The following NELL1 variants were observed in gnomAD, a reference collection of about 807,000 sequenced individuals.
NELL1 encodes the protein neural EGFL like 1.
In NELL1, 76 loss-of-function variants were observed where a neutral mutation model predicts 107.4. The ratio of observed to expected loss-of-function variants is 0.71; its 90% confidence interval spans 0.59 to 0.86. The LOEUF (loss-of-function observed/expected upper bound fraction) is 0.86, where lower values mean the gene tolerates loss of function less well. Among genes scored for constraint, NELL1 ranks in the 40% least tolerant of loss-of-function variants. The pLI is 0.00. For missense variants in NELL1, 1,024 were observed against 1,005.5 expected, an observed-to-expected ratio of 1.02 and a Z score of -0.25; for synonymous variants, 353 against 341.2, an observed-to-expected ratio of 1.03 and a Z score of -0.38.
chr11:21,027,073 C>A (rs2134311012), intron 12 of NELL1, among the ~76,000 whole-genome samples: 1 of 152,136 alleles, frequency 6.6e-6, no homozygotes, highest in Middle Eastern at 3.4e-3. Flanking sequence ...CATTTATTTT[C>A]CTCTCACTGA....
At chr11:21,019,495 T>A (rs1852648595) in intron 12 of NELL1, among the ~76,000 whole-genome samples, 1 of 152,082 alleles carries the variant, frequency 6.6e-6, no homozygotes, top group African/African-American at 2.4e-5. Flanking sequence ...AATTAGGGGC[T>A]ATGTGTATCT....
chr11:21,555,900 T>G (rs182279338), intron 16 of NELL1, among the ~76,000 whole-genome samples: 1 of 152,014 alleles, frequency 6.6e-6, no homozygotes, highest in East Asian at 2.0e-4. Flanking sequence ...GGGAACACAA[T>G]ATCCAAGTGT....
intron 10 of NELL1, among the ~76,000 whole-genome samples, chr11:20,942,114 T>C (rs1169953723): frequency 6.6e-6 from 1 of 152,238 alleles, no homozygotes; most frequent in Admixed American, 6.5e-5. Flanking sequence ...TTAGAGACTT[T>C]GCAGAAGCAC....
chr11:21,204,152 G>T (rs770059125), intron 13 of NELL1, among the ~76,000 whole-genome samples: 5 of 152,002 alleles, frequency 3.3e-5, no homozygotes, highest in East Asian at 1.9e-4. Flanking sequence ...TTTGAATGTT[G>T]GTCTGTCTTG....
At chr11:20,982,209 C>A (rs1024470487) in intron 12 of NELL1, among the ~76,000 whole-genome samples, 1 of 152,052 alleles carries the variant, frequency 6.6e-6, no homozygotes, top group Non-Finnish European at 1.5e-5. Context: ...CAGTCCCATG[C>A]CTGGAAAGTG....
chr11:21,200,533 G>A (rs1365484610), intron 13 of NELL1, among the ~76,000 whole-genome samples: 1 of 151,926 alleles, frequency 6.6e-6, no homozygotes, highest in Admixed American at 6.6e-5. Flanking sequence ...CTAGATATTA[G>A]CCCCTCATCA....
intron 15 of NELL1, among the ~76,000 whole-genome samples, chr11:21,502,934 G>GTGC (rs1422052410): frequency 2.5e-4 from 38 of 152,186 alleles, no homozygotes; most frequent in Admixed American, 7.2e-4. Flanking sequence ...CCAGGCTGGA[G>GTGC]TGCAATGGCA....
chr11:20,841,523 G>A (rs187227748), intron 3 of NELL1, among the ~76,000 whole-genome samples: 9 of 152,198 alleles, frequency 5.9e-5, no homozygotes, highest in Non-Finnish European at 1.0e-4. Context: ...ATAATATCAG[G>A]AATAGAATGA....
In NELL1 at chr11:21,534,426, C is replaced by T. The variant is rs781446863; in HGVS notation, c.1698C>T (p.Cys566=). The T allele has an allele frequency of 9.9e-6, 16 of 1,613,710 alleles. No homozygotes were observed. Among genetic ancestry groups the T allele is most frequent in the African/African-American group, 5.3e-5 (4 of 74,898 alleles). The change falls in exon 16 of 20, where the codon TGC becomes TGT. Residue 566 remains cysteine (C), a synonymous_variant. Coordinates refer to ENST00000357134, the MANE Select transcript of NELL1 (RefSeq NM_006157.5). ...GIIECHNHSR[C]VNLPGWYHCE... ...TTGAGTGCCACAACCATTCCCGCTGCGTTAACCTGCCAGGGTGGTACCACT... is the reference window on the plus strand; with the variant it reads ...TTGAGTGCCACAACCATTCCCGCTGTGTTAACCTGCCAGGGTGGTACCACT...
At chr11:20,936,556 C>G in intron 9 of NELL1, among the ~76,000 whole-genome samples, 1 of 152,192 alleles carries the variant, frequency 6.6e-6, no homozygotes, top group Admixed American at 6.5e-5. Flanking sequence ...GATCTTGCCC[C>G]TCAACATCGA....
At chr11:20,740,604 T>C (rs1166045005) in intron 2 of NELL1, among the ~76,000 whole-genome samples, 5 of 152,206 alleles carry the variant, frequency 3.3e-5, no homozygotes, top group Non-Finnish European at 5.9e-5. Context: ...TTGCTGCTGA[T>C]GCTGGTGTCC....
chr11:21,437,155 A>G (rs536084833), intron 15 of NELL1, among the ~76,000 whole-genome samples: 2 of 152,252 alleles, frequency 1.3e-5, no homozygotes, highest in African/African-American at 2.4e-5. Flanking sequence ...TTTTAATTCA[A>G]TATTTCTTGG....
chr11:20,803,595 T>A (rs1857322443), intron 3 of NELL1, among the ~76,000 whole-genome samples: 1 of 152,210 alleles, frequency 6.6e-6, no homozygotes, highest in Admixed American at 6.5e-5. Flanking sequence ...ACTTTGAGTT[T>A]GGTTTGGTCT....
Position 20,927,391 on chromosome 11 carries a change from A to G in NELL1, c.843A>G (p.Arg281=), listed in dbSNP as rs373754631. 6.2e-7 allele frequency: 1 copy of G among 1,613,190 alleles called. No homozygotes were observed. The highest frequency in any genetic ancestry group is 8.5e-7 in the Non-Finnish European group (1 of 1,179,772). Residue 281 remains arginine, a synonymous_variant, in exon 8 of 20, where the codon CGA becomes CGG. Transcript: ENST00000357134. ...KTCQVSGLLY[R]DQDSWVDGDH... Reference sequence around the variant, plus strand: ...GTCAAGTGAGTGGACTGCTCTATCGAGATCAAGACTCTTGGGTAGATGGTG... The same window carrying G: ...GTCAAGTGAGTGGACTGCTCTATCGGGATCAAGACTCTTGGGTAGATGGTG...
At chr11:21,395,797 T>A (rs1590896827) in intron 15 of NELL1, among the ~76,000 whole-genome samples, 1 of 150,996 alleles carries the variant, frequency 6.6e-6, no homozygotes, top group Admixed American at 6.6e-5. Flanking sequence ...TGAAAAAAAC[T>A]CCTCGATTGT....
rs143998291 is a variant in NELL1, at chr11:20,968,632, A to C, written c.1300+8072A>C. Among the ~76,000 whole-genome samples, 383 of 152,276 alleles carry C rather than the reference A, an allele frequency of 2.5e-3. 8 individuals carry two copies. Among genetic ancestry groups the C allele is most frequent in the Admixed American group, 0.02 (303 of 15,278 alleles). Reference sequence around the variant, plus strand: ...AGAGGGTAGCTGTCCCTTCATTTTGATAAAAAGATAATGGTTTTTCAAAAA... The same window carrying C: ...AGAGGGTAGCTGTCCCTTCATTTTGCTAAAAAGATAATGGTTTTTCAAAAA... On this transcript the variant is annotated intron_variant, in intron 12 of 19. Transcript: ENST00000357134.
chr11:21,178,076 C>T (rs1856749260), intron 13 of NELL1, among the ~76,000 whole-genome samples: 1 of 151,816 alleles, frequency 6.6e-6, no homozygotes, highest in African/African-American at 2.4e-5. Context: ...GTTGTCTCTT[C>T]ACTCTGTTAA....
chr11:21,100,013 T>C (rs1854764459), intron 12 of NELL1, among the ~76,000 whole-genome samples: 1 of 151,308 alleles, frequency 6.6e-6, no homozygotes, highest in Non-Finnish European at 1.5e-5. Context: ...AAATTTGCCA[T>C]TTTAGCCCTT....
intron 17 of NELL1, among the ~76,000 whole-genome samples, chr11:21,570,423 T>C (rs1591045444): frequency 6.6e-6 from 1 of 152,014 alleles, no homozygotes; most frequent in Non-Finnish European, 1.5e-5. Context: ...AGCATGATTT[T>C]CCACTCAAAT....
Sources: allele counts gnomAD v4.1 joint callset (sites outside exome capture counted in the v4.1 genomes callset), GRCh38; gene constraint gnomAD v4.1.1; transcripts MANE v1.5; gene names NCBI Gene and HGNC (gene_info 2026-07-23, HGNC 2026-07-21).